GAN: variants seen among roughly 807,000 people sequenced by gnomAD.
GAN encodes the protein epididymis secretory sperm binding protein.
GAN carries 48 observed loss-of-function variants against 71.3 expected under a neutral mutation model. The observed-to-expected ratio is 0.67, with a 90% CI of 0.53 to 0.86. The LOEUF is 0.86. GAN is among the 40% of genes least tolerant of loss of function. GAN has a pLI of 0.00. For missense variants in GAN, 928 were observed against 770.1 expected (o/e 1.21, Z -2.43); for synonymous variants, 386 against 276.8 (o/e 1.39, Z -3.92).
chr16:81,364,853 A>C, intron 7 of GAN, 121 bp from the exon 8 acceptor site: 1 of 948,658 alleles, frequency 1.1e-6, no homozygotes, highest in Non-Finnish European at 1.7e-6. Context: ...CCATCGTTTT[A>C]CGGTTAGAAA....
At chr16:81,350,327 C>G (rs1015222271) in intron 1 of GAN, among the ~76,000 whole-genome samples, 6 of 152,034 alleles carry the variant, frequency 3.9e-5, no homozygotes, top group East Asian at 1.9e-4. Context: ...TTCACTCATT[C>G]AATTGACAAA....
Position 81,315,042 on chromosome 16 carries a change from C to G in GAN, c.-72C>G. 2.3e-6 allele frequency: 3 copies of G among 1,280,514 alleles called. No homozygotes were observed. Among genetic ancestry groups the G allele is most frequent in the Admixed American group, 3.6e-5 (1 of 27,820 alleles). 79.3% of individuals were successfully genotyped at this position (1,280,514 alleles called of 1,614,324 possible). A position where few individuals can be genotyped will look rare whatever the true frequency, so the allele number is the denominator to read the frequency against. ...GGGCCGGGCGGGCGCGCGCGCAGGA[C>G]TCGGGCCGCTCGAGGGGTCCGGCCG... is the stretch of plus-strand genomic sequence containing the variant. On this transcript the variant is annotated 5_prime_UTR_variant, in exon 1 of 11. Transcript: ENST00000648994.
Position 81,382,830 on chromosome 16 carries a change from T to A in GAN, c.*5234T>A, listed in dbSNP as rs1904312305. ...GTTTTGTGTTTTTCAGAAGGAACCCTATTATTATTTCCATTTTAAACATAT... is the reference window on the plus strand; with the variant it reads ...GTTTTGTGTTTTTCAGAAGGAACCCAATTATTATTTCCATTTTAAACATAT... On this transcript the variant is annotated 3_prime_UTR_variant, in exon 11 of 11. Coordinates refer to ENST00000648994, the MANE Select transcript of GAN (RefSeq NM_022041.4). 6.6e-6 allele frequency: 1 copy of A among 152,220 alleles called. No homozygotes were observed. The highest frequency in any genetic ancestry group is 6.5e-5 in the Admixed American group (1 of 15,284). The allele number at this position is 152,220 out of a possible 1,614,324, so 9.4% of individuals were successfully genotyped here.
intron 1 of GAN, among the ~76,000 whole-genome samples, chr16:81,329,111 G>T (rs1909485647): frequency 6.6e-6 from 1 of 151,916 alleles, no homozygotes; most frequent in African/African-American, 2.4e-5. Flanking sequence ...GATAGTCAAG[G>T]CCTATCCTCC....
intron 1 of GAN, among the ~76,000 whole-genome samples, chr16:81,348,819 A>G (rs1910206006): frequency 6.6e-6 from 1 of 152,088 alleles, no homozygotes; most frequent in African/African-American, 2.4e-5. Context: ...TTGGGTCTGT[A>G]CCCTTGGGCT....
intron 1 of GAN, among the ~76,000 whole-genome samples, chr16:81,325,402 A>T (rs184365526): frequency 1.0e-3 from 159 of 152,304 alleles, no homozygotes; most frequent in South Asian, 2.7e-3. Flanking sequence ...CAAAGGATAA[A>T]TGCAGGAACA....
At chr16:81,334,123 A>T (rs1160548678) in intron 1 of GAN, among the ~76,000 whole-genome samples, 1 of 152,248 alleles carries the variant, frequency 6.6e-6, no homozygotes, top group Non-Finnish European at 1.5e-5. Context: ...TCCAGATACA[A>T]ATGTAATTGG....
At position 81,357,992 on chromosome 16, in the gene GAN, T is replaced by A. The variant is rs1910548442; in HGVS notation, c.973+61T>A. On this transcript the variant is annotated intron_variant, in intron 5 of 10. Transcript: ENST00000648994. ...ATCAAGTAATGTGTAATCTCAAGGT[T>A]TTACAGAATGACTCAGAGCCTTTTA... 2.1e-6 allele frequency: 3 copies of A among 1,396,804 alleles called. No individual in the cohort carries two copies. The Admixed American group carries it at 5.0e-5, about 23-fold the overall frequency. The allele number at this position is 1,396,804 out of a possible 1,614,324, so 86.5% of individuals were successfully genotyped here.
chr16:81,364,855 G>T lies in GAN; in HGVS notation c.1237-119G>T, dbSNP rs774077310. 10 of 966,792 alleles carry T rather than the reference G, an allele frequency of 1.0e-5. No homozygotes were observed. The African/African-American group carries it at 1.4e-4, about 14-fold the overall frequency. 59.9% of individuals were successfully genotyped at this position (966,792 alleles called of 1,614,324 possible). On this transcript the variant is annotated intron_variant, in intron 7 of 10. Transcript: ENST00000648994. ...ATACTGAAAAGCACCATCGTTTTAC[G>T]GTTAGAAATCAAACCCCTTCCTAAA...
intron 1 of GAN, among the ~76,000 whole-genome samples, chr16:81,338,535 A>T (rs1909840751): frequency 6.6e-6 from 1 of 152,252 alleles, no homozygotes; most frequent in South Asian, 2.1e-4. Context: ...TAGATAAAAA[A>T]GGGAAATCTA....
At chr16:81,366,189 T>C (rs941895714) in intron 9 of GAN, among the ~76,000 whole-genome samples, 1 of 152,218 alleles carries the variant, frequency 6.6e-6, no homozygotes, top group Non-Finnish European at 1.5e-5. Context: ...GACAAGTCTC[T>C]GGGGTTGTAG....
At chr16:81,332,370 G>A (rs962479747) in intron 1 of GAN, among the ~76,000 whole-genome samples, 4 of 152,096 alleles carry the variant, frequency 2.6e-5, no homozygotes, top group Admixed American at 1.3e-4. Flanking sequence ...CAGGAGCTAT[G>A]TGCCCTAAGT....
chr16:81,362,993 A>G (rs1245637152), intron 6 of GAN, among the ~76,000 whole-genome samples: 2 of 152,224 alleles, frequency 1.3e-5, no homozygotes, highest in African/African-American at 2.4e-5. Flanking sequence ...AGTTTTTCAC[A>G]TAAGCTCTTT....
intron 5 of GAN, among the ~76,000 whole-genome samples, chr16:81,361,988 T>C (rs1213650346): frequency 6.6e-6 from 1 of 152,236 alleles, no homozygotes; most frequent in Non-Finnish European, 1.5e-5. Context: ...AGATTATTTT[T>C]TAAATGTTTT....
chr16:81,320,297 A>T (rs1347095839), intron 1 of GAN, among the ~76,000 whole-genome samples: 6 of 152,244 alleles, frequency 3.9e-5, no homozygotes, highest in Non-Finnish European at 5.9e-5. Context: ...TCACATGGGC[A>T]CTAAAGTCCG....
chr16:81,336,896 G>T (rs935810284), intron 1 of GAN, among the ~76,000 whole-genome samples: 1 of 151,972 alleles, frequency 6.6e-6, no homozygotes, highest in African/African-American at 2.4e-5. Flanking sequence ...TACCACACGA[G>T]GGTGGTATAC....
At chr16:81,357,758 A>G (rs1205477743) in intron 4 of GAN, 52 bp from the exon 5 acceptor site, 10 of 1,559,458 alleles carry the variant, frequency 6.4e-6, no homozygotes, top group Non-Finnish European at 8.8e-6. Context: ...GCTACTTATA[A>G]AAAGAACTGT....
Position 81,356,789 on chromosome 16 carries a change from A to G in GAN, c.638A>G (p.His213Arg), listed in dbSNP as rs749117247. 3.7e-6 allele frequency: 6 copies of G among 1,607,378 alleles called. No homozygotes were observed. The highest frequency in any genetic ancestry group is 5.1e-6 in the Non-Finnish European group (6 of 1,173,870). Reference sequence around the variant, plus strand: ...TCTTTCTTCCCTCTTCTGCAGGTCCACATGAAGGATGTTATGTCAGCTCTG... The same window carrying G: ...TCTTTCTTCCCTCTTCTGCAGGTCCGCATGAAGGATGTTATGTCAGCTCTG... The part of the protein sequence containing the change: ...IAHDTEIRKV[H>R]MKDVMSALWV... Residue 213 changes from histidine to arginine, a missense_variant, in exon 4 of 11, where the codon CAC (histidine) becomes CGC (arginine). Physicochemically the swap from His to Arg is conservative, Grantham distance 29. Transcript: ENST00000648994.
chr16:81,329,668 A>G (rs542222572), intron 1 of GAN, among the ~76,000 whole-genome samples: 10 of 152,232 alleles, frequency 6.6e-5, no homozygotes, highest in African/African-American at 2.4e-4. Context: ...TTGTTGATAT[A>G]TTTTGTTGAT....
Sources: allele counts gnomAD v4.1 joint callset (sites outside exome capture counted in the v4.1 genomes callset), GRCh38; gene constraint gnomAD v4.1.1; transcripts MANE v1.5; gene names NCBI Gene and HGNC (gene_info 2026-07-23, HGNC 2026-07-21).